Variants in MAN2A2 observed in about 807,000 individuals in gnomAD.
MAN2A2 encodes the protein mannosidase alpha class 2A member 2, also known as alpha-mannosidase 2x.
Under a neutral mutation model 126.8 loss-of-function variants are expected in MAN2A2, and 79 were observed. The ratio of observed to expected loss-of-function variants is 0.62; its 90% CI spans 0.52 to 0.75. The LOEUF (loss-of-function observed/expected upper bound fraction) is 0.75, where lower values mean the gene tolerates loss of function less well. Among genes scored for constraint, MAN2A2 ranks in the 30% least tolerant of loss-of-function variants. MAN2A2 has a pLI of 0.00. For synonymous variants in MAN2A2, 671 were observed against 618.7 expected, an observed-to-expected ratio of 1.08 and a Z score of -1.25; for missense variants, 1,392 against 1,522.4, an observed-to-expected ratio of 0.91 and a Z score of 1.43.
At chr15:90,918,079 C>T in intron 20 of MAN2A2, 115 bp from the exon 21 acceptor site, 1 of 983,258 alleles carries the variant, frequency 1.0e-6, no homozygotes, top group Non-Finnish European at 1.6e-6. Flanking sequence ...TGAGTCCAGG[C>T]ACACCAGGAA....
chr15:90,909,883 G>A (rs528622805), intron 9 of MAN2A2, among the ~76,000 whole-genome samples: 2 of 152,334 alleles, frequency 1.3e-5, no homozygotes, highest in East Asian at 1.9e-4. Flanking sequence ...GATTACAGGC[G>A]TGAGCCACCG....
chr15:90,906,335 C>T (rs374569386), intron 5 of MAN2A2, 35 bp from the exon 6 acceptor site: 10 of 1,613,090 alleles, frequency 6.2e-6, no homozygotes, highest in African/African-American at 4.0e-5. Flanking sequence ...GGCAGAGTGT[C>T]CTGCTCCGTC....
chr15:90,918,197 C>G lies in MAN2A2; in HGVS notation c.2998C>G (p.Gln1000Glu). 5 of 1,612,592 alleles carry G rather than the reference C, an allele frequency of 3.1e-6. No homozygotes were observed. The highest frequency in any genetic ancestry group is 4.2e-6 in the Non-Finnish European group (5 of 1,179,060). Residue 1000 changes from glutamine to glutamate, a missense_variant, in exon 21 of 23, where the codon CAA becomes GAA. By Grantham distance (29) the Gln-to-Glu change is conservative. Coordinates refer to ENST00000559717, the MANE Select transcript of MAN2A2 (RefSeq NM_006122.4). The part of the protein sequence containing the change: ...LERRTVGSEV[Q>E]DSHSTSYPSL... ...ATATCTCGGGTCAATTTTGCAGGTC[C>G]AAGATAGCCACTCTACCAGCTACCC...
At chr15:90,918,847 A>G (rs954993855) in intron 22 of MAN2A2, 92 bp downstream of exon 22, 5 of 948,880 alleles carry the variant, frequency 5.3e-6, no homozygotes, top group Admixed American at 4.1e-5. Flanking sequence ...GGGAGAAGAA[A>G]GTGTCACTCC....
In MAN2A2 at chr15:90,916,127, G is replaced by C; in HGVS notation, c.2865G>C (p.Gln955His). Residue 955 changes from glutamine (Q) to histidine (H), a missense_variant, in exon 20 of 23, where the codon CAG becomes CAC. Gln to His is a conservative substitution (Grantham distance 24, BLOSUM62 0). Coordinates refer to ENST00000559717, the MANE Select transcript of MAN2A2 (RefSeq NM_006122.4). ...ALGVSSLKDG[Q>H]LEVILDRRLM... ...ACTCACTGTTTGCTTCCCCAGGCCA[G>C]CTGGAGGTGATCTTGGACCGGCGGC... 1 of 1,614,046 alleles carries C rather than the reference G, an allele frequency of 6.2e-7. No homozygotes were observed. The highest frequency in any genetic ancestry group is 1.1e-5 in the South Asian group (1 of 91,080).
Position 90,910,114 on chromosome 15 carries a change from T to C in MAN2A2, c.1399T>C (p.Tyr467His). The change falls in exon 10 of 23, where the codon TAT becomes CAT. Residue 467 changes from tyrosine to histidine, a missense_variant. Physicochemically the swap from Tyr to His is moderately conservative, Grantham distance 83. Transcript: ENST00000559717. ...GGCCCAGTTTGGCACTCTTTCTGAC[T>C]ATTTTGATGCCCTGTACAAGAGGAC... ...VQAQFGTLSD[Y>H]FDALYKRTGV... 1 of 1,613,350 alleles carries C rather than the reference T, an allele frequency of 6.2e-7. No homozygotes were observed. Among genetic ancestry groups the C allele is most frequent in the Non-Finnish European group, 8.5e-7 (1 of 1,179,672 alleles).
At chr15:90,905,217 A>T in intron 2 of MAN2A2, 34 bp from the exon 3 acceptor site, 2 of 1,603,008 alleles carry the variant, frequency 1.2e-6, no homozygotes, top group Non-Finnish European at 1.7e-6. Flanking sequence ...TGGCATAAGG[A>T]GCTGTGTGTG....
chr15:90,911,078 C>T, intron 12 of MAN2A2, 93 bp from the exon 13 acceptor site: 1 of 1,488,314 alleles, frequency 6.7e-7, no homozygotes. Flanking sequence ...GAGTTCTGTG[C>T]CCAGTGCAGC....
chr15:90,913,448 A>T (rs896016442), intron 18 of MAN2A2, 42 bp downstream of exon 18: 2 of 1,576,474 alleles, frequency 1.3e-6, no homozygotes, highest in African/African-American at 2.7e-5. Flanking sequence ...ACAGAGTAGA[A>T]CTTGGACTCT....
At chr15:90,919,514 C>T (rs1182469023) in intron 22 of MAN2A2, 121 bp from the exon 23 acceptor site, 3 of 1,216,894 alleles carry the variant, frequency 2.5e-6, no homozygotes, top group African/African-American at 1.5e-5. Context: ...GCTGGGATTA[C>T]AGGTGTGAGC....
intron 10 of MAN2A2, 71 bp downstream of exon 10, chr15:90,910,363 T>G: frequency 3.1e-6 from 5 of 1,592,966 alleles, no homozygotes; most frequent in Non-Finnish European, 4.3e-6. Context: ...GGGGCTGGAT[T>G]GGCTCAGAAG....
At chr15:90,913,572 TG>T (rs1177529750) in intron 18 of MAN2A2, 41 bp from the exon 19 acceptor site, 1 of 1,588,152 alleles carries the variant, frequency 6.3e-7, no homozygotes, top group Non-Finnish European at 8.6e-7. Flanking sequence ...TGGGCCCACA[TG>T]GTGCCCGGGT....
rs761155884 is a variant in MAN2A2 at position 90,918,264 on chromosome 15, C to T, written c.3065C>T (p.Pro1022Leu). Residue 1022 changes from proline (P) to leucine (L), a missense_variant, in exon 21 of 23, where the codon CCG (proline) becomes CTG (leucine). Transcript: ENST00000559717. ...CTGACCTCCATGTACCTGAACGCCC[C>T]GGCGCTCGCTCTGCCTGTAGCCAGG... ...SHLTSMYLNAPALALPVARMQ... is the reference protein window; with the variant it reads ...SHLTSMYLNALALALPVARMQ... 2.5e-5 allele frequency: 41 copies of T among 1,614,048 alleles called. No individual in the cohort carries two copies. The highest frequency in any genetic ancestry group is 2.0e-4 in the Admixed American group (12 of 60,004).
rs1198645590 is a variant in MAN2A2, at chr15:90,910,907, G to A, written c.1821G>A (p.Val607=). 5 of 1,614,078 alleles carry A rather than the reference G, an allele frequency of 3.1e-6. No homozygotes were observed. In the African/African-American group the frequency reaches 6.7e-5, roughly 22 times the overall value. The change falls in exon 12 of 23, where the codon GTG becomes GTA. Residue 607 remains valine, a synonymous_variant. Transcript: ENST00000559717. ...QVIIHAAHYL[V]LGDKETYHFD... ...TCATTCATGCAGCCCACTATCTGGT[G>A]CTGGGGGACAAGGAGACCTACCACT...
chr15:90,913,230 A>T, intron 17 of MAN2A2, 43 bp from the exon 18 acceptor site: 1 of 1,604,914 alleles, frequency 6.2e-7, no homozygotes, highest in Non-Finnish European at 8.5e-7. Flanking sequence ...GCTGTGCTTC[A>T]GCCTCACACC....
Position 90,911,395 on chromosome 15 carries a change from C to A in MAN2A2, c.1954C>A (p.Leu652Ile). 6.2e-7 allele frequency: 1 copy of A among 1,614,246 alleles called. No homozygotes were observed. The highest frequency in any genetic ancestry group is 1.1e-5 in the South Asian group (1 of 91,088). The change falls in exon 14 of 23, where the codon CTA becomes ATA. Residue 652 changes from leucine (L) to isoleucine (I), a missense_variant. Physicochemically the swap from Leu to Ile is conservative, Grantham distance 5. Coordinates refer to ENST00000559717, the MANE Select transcript of MAN2A2 (RefSeq NM_006122.4). ...ACCTTCTACGCACAGGTTTGTGGTC[C>A]TATTCAACCCACTGGAACAGGAGCG... is the stretch of plus-strand genomic sequence containing the variant. ...QLDSSPRFVV[L>I]FNPLEQERFS...
At position 90,905,545 on chromosome 15, in the gene MAN2A2, C is replaced by T. The variant is rs371246970; in HGVS notation, c.391-34C>T. 81 of 1,614,072 alleles carry T rather than the reference C, an allele frequency of 5.0e-5. 1 individual carries two copies. In the African/African-American group the frequency reaches 5.2e-4, roughly 10 times the overall value. ...AGCTGGCAGGGACGTACAGTGGCCA[C>T]GACTGGGGTACTGAGCTGCAGTTCA... On this transcript the variant is annotated intron_variant, in intron 3 of 22. Transcript: ENST00000559717.
chr15:90,907,050 A>G (rs2034353720), intron 7 of MAN2A2, 137 bp downstream of exon 7: 2 of 1,161,794 alleles, frequency 1.7e-6, no homozygotes, highest in Non-Finnish European at 1.2e-6. Flanking sequence ...AAATGGTCGC[A>G]CCCTCTGGTT....
chr15:90,907,048 G>A (rs2051925398), intron 7 of MAN2A2, 135 bp downstream of exon 7: 12 of 1,164,862 alleles, frequency 1.0e-5, no homozygotes, highest in African/African-American at 1.5e-5. Flanking sequence ...AGAAATGGTC[G>A]CACCCTCTGG....
Sources: allele counts gnomAD v4.1 joint callset (sites outside exome capture counted in the v4.1 genomes callset), GRCh38; gene constraint gnomAD v4.1.1; transcripts MANE v1.5; gene names NCBI Gene and HGNC (gene_info 2026-07-23, HGNC 2026-07-21).